The following NELL2 variants were observed in gnomAD, a reference collection of about 807,000 sequenced individuals.
The protein encoded by NELL2 is protein kinase C-binding protein NELL2.
Under a neutral mutation model 109.6 loss-of-function variants are expected in NELL2, and 41 were observed. That is an observed-to-expected ratio of 0.37 (90% CI 0.29 to 0.49). NELL2 has a LOEUF of 0.49. Among genes scored for constraint, NELL2 ranks in the 20% least tolerant of loss-of-function variants. The pLI is 0.98. For synonymous variants in NELL2, 355 were observed against 344.7 expected (o/e 1.03, Z -0.33); for missense variants, 900 against 1,008.3 (o/e 0.89, Z 1.45).
At chr12:44,521,937 G>A in intron 18 of NELL2, 63 bp downstream of exon 18, 1 of 1,549,212 alleles carries the variant, frequency 6.5e-7, no homozygotes, top group Admixed American at 1.7e-5. Context: ...GGGAGGACGA[G>A]GTTGCTTCTC....
chr12:44,762,090 A>G (rs1453515357), intron 9 of NELL2, among the ~76,000 whole-genome samples: 1 of 152,188 alleles, frequency 6.6e-6, no homozygotes, highest in Non-Finnish European at 1.5e-5. Context: ...GTCAACAAAC[A>G]TAATGAAAAA....
intron 2 of NELL2, among the ~76,000 whole-genome samples, chr12:44,822,013 G>A (rs573312034): frequency 5.3e-5 from 8 of 151,806 alleles, no homozygotes; most frequent in South Asian, 2.1e-4. Flanking sequence ...TGATCTGCCC[G>A]CCTCGGCCTC....
At chr12:44,698,470 T>C (rs1392416506) in intron 12 of NELL2, among the ~76,000 whole-genome samples, 1 of 152,054 alleles carries the variant, frequency 6.6e-6, no homozygotes, top group Non-Finnish European at 1.5e-5. Flanking sequence ...TAAATGATGT[T>C]TTATGAATGT....
intron 9 of NELL2, among the ~76,000 whole-genome samples, chr12:44,745,270 C>A (rs1040350794): frequency 3.3e-5 from 5 of 151,976 alleles, no homozygotes; most frequent in African/African-American, 1.2e-4. Context: ...CTAAAAACTC[C>A]CAATAAATTA....
chr12:44,679,922 A>C (rs1948441367), intron 12 of NELL2, among the ~76,000 whole-genome samples: 1 of 152,042 alleles, frequency 6.6e-6, no homozygotes, highest in Non-Finnish European at 1.5e-5. Flanking sequence ...GTGCTTATTC[A>C]TGGGTAGTTA....
chr12:44,560,353 C>G (rs538205882), intron 15 of NELL2, among the ~76,000 whole-genome samples: 3 of 152,148 alleles, frequency 2.0e-5, no homozygotes, highest in African/African-American at 7.2e-5. Flanking sequence ...AAGATAGAGA[C>G]ATTAAAAACC....
intron 3 of NELL2, among the ~76,000 whole-genome samples, chr12:44,783,271 AT>A (rs1358411254): frequency 6.6e-6 from 1 of 151,810 alleles, no homozygotes; most frequent in African/African-American, 2.4e-5. Context: ...CTAAATGCAT[AT>A]ATTAGAAAAG....
chr12:44,873,168 G>A (rs987844747), intron 2 of NELL2, among the ~76,000 whole-genome samples: 1 of 152,084 alleles, frequency 6.6e-6, no homozygotes, highest in African/African-American at 2.4e-5. Flanking sequence ...ATTAAATAAA[G>A]TCCATAATTT....
At chr12:44,524,877 A>G (rs937847136) in intron 16 of NELL2, among the ~76,000 whole-genome samples, 2 of 152,174 alleles carry the variant, frequency 1.3e-5, no homozygotes, top group Non-Finnish European at 2.9e-5. Flanking sequence ...ACTATGGTTA[A>G]TGTGTATTTT....
At chr12:44,554,075 C>T (rs899941822) in intron 15 of NELL2, among the ~76,000 whole-genome samples, 1 of 152,166 alleles carries the variant, frequency 6.6e-6, no homozygotes, top group Non-Finnish European at 1.5e-5. Context: ...CTGGCAGTTG[C>T]TACCGGCATA....
intron 9 of NELL2, among the ~76,000 whole-genome samples, chr12:44,716,208 TG>T: frequency 6.6e-6 from 1 of 152,328 alleles, no homozygotes; most frequent in East Asian, 1.9e-4. Flanking sequence ...ATTTAAATAA[TG>T]TCAAATAAAT....
intron 9 of NELL2, among the ~76,000 whole-genome samples, chr12:44,743,840 C>T (rs2136506614): frequency 6.6e-6 from 1 of 152,218 alleles, no homozygotes; most frequent in African/African-American, 2.4e-5. Context: ...GACTCCCACA[C>T]AATAATAATG....
chr12:44,880,862 T>C (rs1945403681), upstream of NELL2: 1 of 152,034 alleles, frequency 6.6e-6, no homozygotes, highest in African/African-American at 2.4e-5. Context: ...TTGTTGTTGT[T>C]GTTGTTTTTG....
chr12:44,710,883 G>A (rs1938159706), intron 11 of NELL2, among the ~76,000 whole-genome samples: 1 of 151,944 alleles, frequency 6.6e-6, no homozygotes, highest in Admixed American at 6.6e-5. Flanking sequence ...AAATATTCTA[G>A]GTAAGTTATA....
At position 44,701,928 on chromosome 12, in the gene NELL2, C is replaced by A. The variant is rs755164531; in HGVS notation, c.1318+1798G>T. The stretch of plus-strand genomic sequence containing the variant: ...ACTTTCCTACATTACCTGGCCCCTG[C>A]CTAATTCTCCAACAGGATTTCCTTC... On this transcript the variant is annotated intron_variant, in intron 12 of 19. Transcript: ENST00000429094. 3.9e-5 allele frequency among the ~76,000 whole-genome samples: 6 copies of A among 152,248 alleles called. No homozygotes were observed. In the East Asian group the frequency reaches 9.7e-4, roughly 24 times the overall value.
intron 2 of NELL2, among the ~76,000 whole-genome samples, chr12:44,858,489 G>A (rs1944746214): frequency 6.6e-6 from 1 of 152,160 alleles, no homozygotes; most frequent in African/African-American, 2.4e-5. Flanking sequence ...GTGCCCAAGT[G>A]CCCAGTTCCT....
chr12:44,763,831 A>G (rs1054861665), intron 9 of NELL2, among the ~76,000 whole-genome samples: 5 of 152,114 alleles, frequency 3.3e-5, no homozygotes, highest in African/African-American at 1.2e-4. Context: ...CTAATGCTGT[A>G]TTGCTTTTAT....
At position 44,565,541 on chromosome 12, in the gene NELL2, G is replaced by A. The variant is rs61930802; in HGVS notation, c.1664-32820C>T. Among the ~76,000 whole-genome samples, 1,017 of 152,240 alleles carry A rather than the reference G, an allele frequency of 6.7e-3. 7 individuals carry two copies. Among genetic ancestry groups the A allele is most frequent in the South Asian group, 0.015 (72 of 4,820 alleles). On this transcript the variant is annotated intron_variant, in intron 15 of 19. Transcript: ENST00000429094. ...CAAGTTTGCTAGAAAATCTGTGAGA[G>A]GGAGAGCACTTTTAGATTGAGGGAA...
intron 19 of NELL2, among the ~76,000 whole-genome samples, chr12:44,510,267 G>A (rs530966114): frequency 5.9e-5 from 9 of 152,050 alleles, no homozygotes; most frequent in Admixed American, 2.6e-4. Flanking sequence ...AATTTCAACC[G>A]CACAGCATTC....
Sources: allele counts gnomAD v4.1 joint callset (sites outside exome capture counted in the v4.1 genomes callset), GRCh38; gene constraint gnomAD v4.1.1; transcripts MANE v1.5; gene names NCBI Gene and HGNC (gene_info 2026-07-23, HGNC 2026-07-21).